Variants in MED13L observed in about 807,000 individuals in gnomAD.
MED13L encodes mediator of RNA polymerase II transcription subunit 13-like.
MED13L carries 7 observed loss-of-function variants against 220.9 expected under a neutral mutation model. The ratio of observed to expected loss-of-function variants is 0.03; its 90% confidence interval spans 0.02 to 0.06. MED13L has a LOEUF of 0.06. Among genes scored for constraint, MED13L ranks in the 10% least tolerant of loss-of-function variants. The pLI, the probability that MED13L is intolerant of heterozygous loss-of-function variation, is 1.00. For synonymous variants in MED13L, 1,011 were observed against 1,015.2 expected (o/e 1.00, Z 0.08); for missense variants, 1,965 against 2,760.5 (o/e 0.71, Z 6.46).
chr12:116,100,538 A>T (rs771476017), intron 3 of MED13L, among the ~76,000 whole-genome samples: 1 of 150,152 alleles, frequency 6.7e-6, no homozygotes, highest in Non-Finnish European at 1.5e-5. Context: ...AGGTAGAGAC[A>T]GCAGTGAGCC....
chr12:116,060,958 T>C (rs759467976), intron 4 of MED13L, among the ~76,000 whole-genome samples: 2 of 152,214 alleles, frequency 1.3e-5, no homozygotes, highest in Non-Finnish European at 2.9e-5. Flanking sequence ...CTCAAGATGA[T>C]GGCATGTGGG....
At chr12:115,998,208 T>G (rs1382046115) in intron 14 of MED13L, among the ~76,000 whole-genome samples, 1 of 152,226 alleles carries the variant, frequency 6.6e-6, no homozygotes, top group Middle Eastern at 3.2e-3. Context: ...TCTTAAAAAG[T>G]AGACCTATTG....
chr12:116,111,679 T>C (rs1477919833), intron 2 of MED13L, among the ~76,000 whole-genome samples, 167 bp from the exon 3 acceptor site: 1 of 152,146 alleles, frequency 6.6e-6, no homozygotes, highest in Non-Finnish European at 1.5e-5. Context: ...TGCCCAAAGT[T>C]AGAAAATACT....
chr12:116,151,981 C>A (rs1479695049), intron 2 of MED13L, among the ~76,000 whole-genome samples: 1 of 152,182 alleles, frequency 6.6e-6, no homozygotes, highest in Non-Finnish European at 1.5e-5. Flanking sequence ...CAAATACAAC[C>A]TCTTCCTTTT....
intron 2 of MED13L, among the ~76,000 whole-genome samples, chr12:116,167,575 A>C (rs1411457438): frequency 6.6e-6 from 1 of 152,104 alleles, no homozygotes; most frequent in Non-Finnish European, 1.5e-5. Context: ...GATCACTTTG[A>C]GGTGTCAAAA....
intron 1 of MED13L, among the ~76,000 whole-genome samples, chr12:116,264,896 G>A (rs912665407): frequency 1.3e-5 from 2 of 152,126 alleles, no homozygotes; most frequent in African/African-American, 4.8e-5. Flanking sequence ...CAGAGGCTGA[G>A]GCAAGAGGAT....
chr12:116,256,717 T>C (rs1310360082), intron 1 of MED13L, among the ~76,000 whole-genome samples: 3 of 147,778 alleles, frequency 2.0e-5, no homozygotes, highest in Non-Finnish European at 4.5e-5. Context: ...GATGGAATCT[T>C]GCTCTGTTGC....
At chr12:115,964,909 C>T (rs1876033325) in intron 29 of MED13L, among the ~76,000 whole-genome samples, 3 of 152,096 alleles carry the variant, frequency 2.0e-5, no homozygotes, top group Non-Finnish European at 4.4e-5. Flanking sequence ...TTTATTGCTG[C>T]TAAGCTTTTT....
At position 116,111,805 on chromosome 12, in the gene MED13L, A is replaced by C. The variant is rs75684628; in HGVS notation, c.311-293T>G. On this transcript the variant is annotated intron_variant, in intron 2 of 30. Transcript: ENST00000281928. ...GCTTCTTCAAAGTTTAAAATCATTT[A>C]AAATTCTCAAATTAATCTATTTAAG... Among the ~76,000 whole-genome samples the C allele has an allele frequency of 2.7e-3, 404 of 152,318 alleles. 3 individuals are homozygous for C. Among genetic ancestry groups the C allele is most frequent in the Non-Finnish European group, 4.3e-3 (291 of 67,998 alleles).
At chr12:116,116,188 TA>T (rs1254334480) in intron 2 of MED13L, among the ~76,000 whole-genome samples, 1 of 152,118 alleles carries the variant, frequency 6.6e-6, no homozygotes, top group East Asian at 1.9e-4. Context: ...ATCAGGGAAA[TA>T]ATCATGTGAC....
At chr12:116,022,220 A>C (rs1880100776) in intron 5 of MED13L, among the ~76,000 whole-genome samples, 1 of 152,190 alleles carries the variant, frequency 6.6e-6, no homozygotes, top group African/African-American at 2.4e-5. Flanking sequence ...TATTCTTACA[A>C]AAGAATACAC....
chr12:116,178,536 A>G (rs756748531), intron 2 of MED13L, among the ~76,000 whole-genome samples: 7 of 152,240 alleles, frequency 4.6e-5, no homozygotes, highest in Non-Finnish European at 7.3e-5. Context: ...TTCCCTATTC[A>G]TGTTAAAAGT....
At position 116,008,565 on chromosome 12, in the gene MED13L, G is replaced by A; in HGVS notation, c.1848C>T (p.Ala616=). 1.2e-6 allele frequency: 2 copies of A among 1,613,990 alleles called. No individual in the cohort carries two copies. Residue 616 remains alanine, a synonymous_variant, in exon 10 of 31, where the codon GCC becomes GCT. Coordinates refer to ENST00000281928, the MANE Select transcript of MED13L (RefSeq NM_015335.5). The part of the protein sequence containing the change: ...LPLMAEVSET[A]LYCGIRPSNP... Reference sequence around the variant, plus strand: ...TCGAGGGCCTAATCCCACAATATAAGGCTGTCTCGCTGACCTCTGCCATGA... The same window carrying A: ...TCGAGGGCCTAATCCCACAATATAAAGCTGTCTCGCTGACCTCTGCCATGA...
chr12:116,186,409 A>C (rs1880906112), intron 2 of MED13L, among the ~76,000 whole-genome samples: 1 of 152,164 alleles, frequency 6.6e-6, no homozygotes, highest in African/African-American at 2.4e-5. Context: ...GGGTGACAAA[A>C]CACCTGAAGT....
intron 4 of MED13L, among the ~76,000 whole-genome samples, chr12:116,071,605 G>C (rs1870376423): frequency 1.3e-5 from 2 of 152,206 alleles, no homozygotes; most frequent in South Asian, 2.1e-4. Flanking sequence ...TCTTGTTAAA[G>C]ACCCTTTATG....
rs532280974 is a variant in MED13L at position 116,143,409 on chromosome 12, G to GCTC, written c.311-31900_311-31898dup. Among the ~76,000 whole-genome samples, 664 of 151,878 alleles carry GCTC rather than the reference G, an allele frequency of 4.4e-3. 3 individuals carry two copies. Among genetic ancestry groups the GCTC allele is most frequent in the Non-Finnish European group, 7.0e-3 (476 of 67,956 alleles). The stretch of plus-strand genomic sequence containing the variant: ...TACCAGAGCCACAGAAATTTAGCAT[G>GCTC]CTCCTGCTTCTTGAAAGTCTACTTA... On this transcript the variant is annotated intron_variant, in intron 2 of 30. Coordinates refer to ENST00000281928, the MANE Select transcript of MED13L (RefSeq NM_015335.5).
Position 115,983,317 on chromosome 12 carries a change from T to C in MED13L, c.4755A>G (p.Pro1585=). 1 of 1,614,192 alleles carries C rather than the reference T, an allele frequency of 6.2e-7. No individual in the cohort carries two copies. The highest frequency in any genetic ancestry group is 1.1e-5 in the South Asian group (1 of 91,090). Residue 1585 remains proline (P), a synonymous_variant, in exon 21 of 31, where the codon CCA becomes CCG. Coordinates refer to ENST00000281928, the MANE Select transcript of MED13L (RefSeq NM_015335.5). ...ASSSASGSSV[P]PVSSSASAPG... ...GAGCAGAGGCAGACGATGAGACCGG[T>C]GGCACAGAGGAACCAGATGCAGAAC...
intron 2 of MED13L, among the ~76,000 whole-genome samples, chr12:116,159,753 GATC>G (rs1013547167): frequency 6.6e-6 from 1 of 150,790 alleles, no homozygotes; most frequent in Non-Finnish European, 1.5e-5. Flanking sequence ...GTTATTTACA[GATC>G]ATATCAGCCA....
intron 2 of MED13L, among the ~76,000 whole-genome samples, chr12:116,124,460 C>G (rs181329610): frequency 6.6e-6 from 1 of 152,210 alleles, no homozygotes; most frequent in Admixed American, 6.5e-5. Flanking sequence ...GAAAATTCAA[C>G]AGTAGTATCC....
Sources: allele counts gnomAD v4.1 joint callset (sites outside exome capture counted in the v4.1 genomes callset), GRCh38; gene constraint gnomAD v4.1.1; transcripts MANE v1.5; gene names NCBI Gene and HGNC (gene_info 2026-07-23, HGNC 2026-07-21).